Variants in TMCO4 observed in about 807,000 individuals in gnomAD.
TMCO4 encodes the protein transmembrane and coiled-coil domain-containing protein 4.
In TMCO4, 58 loss-of-function variants were observed where a neutral mutation model predicts 64.7. The observed-to-expected ratio is 0.90, with a 90% CI of 0.73 to 1.12. The LOEUF is 1.12. Among genes scored for constraint, TMCO4 ranks in the 50% most tolerant of loss-of-function variants. The pLI is 0.00. For missense variants in TMCO4, 780 were observed against 825.9 expected (o/e 0.94, Z 0.68); for synonymous variants, 325 against 346.1 (o/e 0.94, Z 0.68).
chr1:19,748,083 C>G (rs1442155314), intron 7 of TMCO4, among the ~76,000 whole-genome samples: 1 of 152,224 alleles, frequency 6.6e-6, no homozygotes, highest in Non-Finnish European at 1.5e-5. Flanking sequence ...CAGGATTAAT[C>G]TTATCCTAAG....
intron 11 of TMCO4, among the ~76,000 whole-genome samples, chr1:19,740,564 C>T (rs181304025): frequency 2.6e-5 from 4 of 152,300 alleles, no homozygotes; most frequent in Admixed American, 1.3e-4. Context: ...CAATAGCTAA[C>T]GGACTGATCA....
rs187474841 is a variant in TMCO4 at position 19,781,926 on chromosome 1, A to T, written c.-8-1160T>A. 9.8e-5 allele frequency among the ~76,000 whole-genome samples: 15 copies of T among 152,338 alleles called. No individual in the cohort carries two copies. In the East Asian group the frequency reaches 2.7e-3, roughly 27 times the overall value. On this transcript the variant is annotated intron_variant, in intron 3 of 15. Coordinates refer to ENST00000294543, the MANE Select transcript of TMCO4 (RefSeq NM_181719.7). The stretch of plus-strand genomic sequence containing the variant: ...CTCCCAAAGTGCTGGGATTACAGGC[A>T]TGAGCCACCACGCCTGGCTGCAAAC...
Position 19,694,454 on chromosome 1 carries a change from T to C in TMCO4, c.1480A>G (p.Asn494Asp). The change falls in exon 15 of 16, where the codon AAC becomes GAC. Residue 494 changes from asparagine (N) to aspartate (D), a missense_variant. Coordinates refer to ENST00000294543, the MANE Select transcript of TMCO4 (RefSeq NM_181719.7). ...PVLLQDRRVE[N>D]VDLTSVVSGH... is the part of the protein sequence containing the mutation. ...CTCACCACAGAGGTCAGGTCCACGT[T>C]CTCCACCCTCCTGTCCTGCAGCAGC... is the stretch of plus-strand genomic sequence containing the variant. The C allele has an allele frequency of 6.2e-7, 1 of 1,613,982 alleles. No individual in the cohort carries two copies. Among genetic ancestry groups the C allele is most frequent in the Non-Finnish European group, 8.5e-7 (1 of 1,179,916 alleles).
chr1:19,719,599 G>C (rs147293617), intron 13 of TMCO4, among the ~76,000 whole-genome samples: 325 of 152,194 alleles, frequency 2.1e-3, no homozygotes, highest in African/African-American at 7.5e-3. Context: ...TGCGATCATA[G>C]CCTGCTGCAA....
chr1:19,721,273 C>T (rs1031193482), intron 13 of TMCO4, among the ~76,000 whole-genome samples: 5 of 146,990 alleles, frequency 3.4e-5, no homozygotes, highest in African/African-American at 1.3e-4. Context: ...AAAAGATACG[C>T]TCCTGCAGAC....
intron 10 of TMCO4, among the ~76,000 whole-genome samples, chr1:19,744,223 C>T (rs1450652161): frequency 1.3e-5 from 2 of 152,144 alleles, no homozygotes; most frequent in Non-Finnish European, 2.9e-5. Flanking sequence ...GTTTGTTGAG[C>T]CTCTCGCTGG....
At chr1:19,758,238 T>G (rs1407449028) in intron 6 of TMCO4, among the ~76,000 whole-genome samples, 1 of 151,762 alleles carries the variant, frequency 6.6e-6, no homozygotes, top group Non-Finnish European at 1.5e-5. Context: ...GGGGCTGCCC[T>G]GCTGTCTCCC....
At chr1:19,787,808 T>G (rs745599779) in intron 2 of TMCO4, among the ~76,000 whole-genome samples, 3 of 152,180 alleles carry the variant, frequency 2.0e-5, no homozygotes, top group Non-Finnish European at 4.4e-5. Flanking sequence ...CAGGCTGGAG[T>G]GCAGTGGTGC....
chr1:19,719,326 A>G lies in TMCO4; in HGVS notation c.1264+18046T>C, dbSNP rs570881272. ...AGGTTGAGATGGAAGGTCTCACTAC[A>G]GGTGCAGCTGGCATCACTATATACC... On this transcript the variant is annotated intron_variant, in intron 13 of 15. Transcript: ENST00000294543. Among the ~76,000 whole-genome samples the G allele has an allele frequency of 2.0e-5, 3 of 152,208 alleles. No homozygotes were observed. The South Asian group carries it at 6.2e-4, about 32-fold the overall frequency.
Position 19,780,753 on chromosome 1 carries a change from G to A in TMCO4, c.6C>T (p.Ala2=). The A allele has an allele frequency of 6.4e-7, 1 of 1,572,852 alleles. No individual in the cohort carries two copies. The highest frequency in any genetic ancestry group is 8.6e-7 in the Non-Finnish European group (1 of 1,165,310). The change falls in exon 4 of 16, where the codon GCC becomes GCT. Residue 2 remains alanine (A), a synonymous_variant. Transcript: ENST00000294543. ...GCCTCTGGCATGGCCTGTTCCACAT[G>A]GCCATTCCCAGCGCTGCAGGAGAAA... M[A]MWNRPCQRLP...
intron 13 of TMCO4, among the ~76,000 whole-genome samples, chr1:19,708,865 AT>A (rs1185199205): frequency 6.6e-6 from 1 of 152,132 alleles, no homozygotes; most frequent in African/African-American, 2.4e-5. Context: ...AAAAAGAAGG[AT>A]TTTCTCCCTC....
At chr1:19,725,627 G>C (rs2095405471) in intron 13 of TMCO4, among the ~76,000 whole-genome samples, 1 of 152,188 alleles carries the variant, frequency 6.6e-6, no homozygotes, top group South Asian at 2.1e-4. Flanking sequence ...TGGGGACAGG[G>C]TCAGTCACTC....
At chr1:19,775,650 G>T (rs898842714) in intron 4 of TMCO4, among the ~76,000 whole-genome samples, 1 of 152,228 alleles carries the variant, frequency 6.6e-6, no homozygotes, top group Non-Finnish European at 1.5e-5. Context: ...AGACTGCCAG[G>T]CCTGCATGCC....
At chr1:19,744,456 C>T (rs1039625067) in intron 10 of TMCO4, among the ~76,000 whole-genome samples, 11 of 152,174 alleles carry the variant, frequency 7.2e-5, no homozygotes, top group African/African-American at 2.7e-4. Flanking sequence ...AGCTGAGATA[C>T]AGAGAAGTTA....
At chr1:19,758,474 C>T (rs1455572861) in intron 6 of TMCO4, among the ~76,000 whole-genome samples, 1 of 152,208 alleles carries the variant, frequency 6.6e-6, no homozygotes, top group Admixed American at 6.5e-5. Flanking sequence ...CTGGTCAAGG[C>T]TGCAGTGATT....
At chr1:19,786,666 G>A (rs115632337) in intron 3 of TMCO4, among the ~76,000 whole-genome samples, 2,470 of 152,278 alleles carry the variant, frequency 0.016, 67 homozygotes, top group African/African-American at 0.057. Context: ...ACGGCCATGC[G>A]GGAGGCTGAA....
chr1:19,786,731 A>C (rs1243068345), intron 3 of TMCO4, among the ~76,000 whole-genome samples: 1 of 152,236 alleles, frequency 6.6e-6, no homozygotes, highest in Non-Finnish European at 1.5e-5. Context: ...TGAGCCTATA[A>C]TTATTTTAAA....
At position 19,742,964 on chromosome 1, in the gene TMCO4, C is replaced by T. The variant is rs1570853501; in HGVS notation, c.878-2023G>A. Among the ~76,000 whole-genome samples the T allele has an allele frequency of 3.9e-5, 6 of 152,142 alleles. No homozygotes were observed. The East Asian group carries it at 5.8e-4, about 15-fold the overall frequency. Reference sequence around the variant, plus strand: ...ACTCTCGAGGCTGAGGCAGGAGAATCGCTAGAACCCGGGAGGCGGAGGTTG... The same window carrying T: ...ACTCTCGAGGCTGAGGCAGGAGAATTGCTAGAACCCGGGAGGCGGAGGTTG... On this transcript the variant is annotated intron_variant, in intron 10 of 15. Transcript: ENST00000294543.
At chr1:19,755,559 G>C in intron 7 of TMCO4, 75 bp downstream of exon 7, 2 of 1,585,458 alleles carry the variant, frequency 1.3e-6, no homozygotes, top group East Asian at 4.5e-5. Flanking sequence ...AAAGGGAGAA[G>C]GGGACTCTGT....
Sources: allele counts gnomAD v4.1 joint callset (sites outside exome capture counted in the v4.1 genomes callset), GRCh38; gene constraint gnomAD v4.1.1; transcripts MANE v1.5; gene names NCBI Gene and HGNC (gene_info 2026-07-23, HGNC 2026-07-21).